The following AGBL1 variants were observed in gnomAD, a reference collection of about 807,000 sequenced individuals.
AGBL1 encodes cytosolic carboxypeptidase 4.
Under a neutral mutation model 118.9 loss-of-function variants are expected in AGBL1, and 130 were observed. That is an observed-to-expected ratio of 1.09 (90% CI 0.95 to 1.26). The LOEUF is 1.26. Ranked by LOEUF, AGBL1 falls within the 50% of genes most tolerant of loss-of-function variation. The probability of loss-of-function intolerance (pLI) is 0.00; values close to 1 mark genes in which losing one functional copy is unlikely to be tolerated. For synonymous variants in AGBL1, 555 were observed against 478.9 expected, an observed-to-expected ratio of 1.16 and a Z score of -2.08; for missense variants, 1,584 against 1,298.1, an observed-to-expected ratio of 1.22 and a Z score of -3.38.
intron 18 of AGBL1, among the ~76,000 whole-genome samples, chr15:86,433,669 G>A (rs2081967559): frequency 6.6e-6 from 1 of 152,002 alleles, no homozygotes; most frequent in Non-Finnish European, 1.5e-5. Flanking sequence ...CTCCAGGGAG[G>A]GTGCCCCTCA....
chr15:86,648,142 G>A (rs140977896), intron 21 of AGBL1, among the ~76,000 whole-genome samples: 1 of 152,176 alleles, frequency 6.6e-6, no homozygotes, highest in Admixed American at 6.5e-5. Context: ...GGCATAATCT[G>A]ACTTACATTT....
chr15:87,016,218 G>C (rs2081606799), intron 24 of AGBL1, among the ~76,000 whole-genome samples: 1 of 151,880 alleles, frequency 6.6e-6, no homozygotes, highest in Non-Finnish European at 1.5e-5. Context: ...CACTAGGACT[G>C]ATATAAGGCC....
rs1335996017 is a variant in AGBL1, at chr15:86,909,535, G to C, written c.*2241G>C. 6.6e-6 allele frequency: 1 copy of C among 152,132 alleles called. No homozygotes were observed. The highest frequency in any genetic ancestry group is 1.9e-4 in the East Asian group (1 of 5,190). The allele number at this position is 152,132 out of a possible 1,614,324, so 9.4% of individuals were successfully genotyped here. A position where few individuals can be genotyped will look rare whatever the true frequency, so the allele number is the denominator to read the frequency against. ...CTCTTTTCCAAGTTTCCATTTTGTA[G>C]TTCAGAAATTGTATATCCATTCTTC... On this transcript the variant is annotated 3_prime_UTR_variant, in exon 23 of 23. Coordinates refer to ENST00000614907, the MANE Select transcript of AGBL1 (RefSeq NM_001386094.1).
At chr15:86,199,114 AT>A (rs1026184683) in intron 5 of AGBL1, among the ~76,000 whole-genome samples, 8 of 152,022 alleles carry the variant, frequency 5.3e-5, no homozygotes, top group East Asian at 3.9e-4. Flanking sequence ...TTTACTTTTT[AT>A]TTTTTTAACA....
At chr15:86,439,839 G>C (rs973392833) in intron 18 of AGBL1, among the ~76,000 whole-genome samples, 1 of 152,196 alleles carries the variant, frequency 6.6e-6, no homozygotes, top group Admixed American at 6.5e-5. Flanking sequence ...ACAGCAGATA[G>C]GCTGTGTAAA....
At chr15:86,251,191 G>GT (rs2078809914) in intron 7 of AGBL1, among the ~76,000 whole-genome samples, 1 of 152,168 alleles carries the variant, frequency 6.6e-6, no homozygotes, top group Non-Finnish European at 1.5e-5. Context: ...GCACGTAACT[G>GT]TTAAGTAATT....
At chr15:86,660,876 A>C (rs995564421) in intron 21 of AGBL1, among the ~76,000 whole-genome samples, 21 of 152,172 alleles carry the variant, frequency 1.4e-4, no homozygotes, top group African/African-American at 5.1e-4. Context: ...CAAAGTATTC[A>C]GTCAAGCAAA....
rs922836763 is a variant in AGBL1 at position 86,910,963 on chromosome 15, T to G, written c.*3669T>G. ...TACTTGAGAGTTAACTCTCAATAGT[T>G]ATAAGAGCCATTCTTCCAGTCAAGC... On this transcript the variant is annotated 3_prime_UTR_variant, in exon 23 of 23. Transcript: ENST00000614907. The G allele has an allele frequency of 6.6e-6, 1 of 152,180 alleles. No individual in the cohort carries two copies. Among genetic ancestry groups the G allele is most frequent in the Non-Finnish European group, 1.5e-5 (1 of 68,050 alleles). 9.4% of individuals were successfully genotyped at this position (152,180 alleles called of 1,614,324 possible). A position where few individuals can be genotyped will look rare whatever the true frequency, so the allele number is the denominator to read the frequency against.
At chr15:86,491,490 T>C (rs1340504318) in intron 18 of AGBL1, among the ~76,000 whole-genome samples, 1 of 152,086 alleles carries the variant, frequency 6.6e-6, no homozygotes, top group Non-Finnish European at 1.5e-5. Flanking sequence ...GCAATTACAG[T>C]GCACTTTTGA....
At chr15:86,669,443 A>G (rs1283563472) in intron 21 of AGBL1, among the ~76,000 whole-genome samples, 2 of 152,200 alleles carry the variant, frequency 1.3e-5, no homozygotes, top group South Asian at 2.1e-4. Context: ...AATAGAAAAC[A>G]TAACATACGT....
rs557626908 is a variant in AGBL1 at position 86,716,982 on chromosome 15, G to A, written c.3158+42546G>A. 2.1e-4 allele frequency among the ~76,000 whole-genome samples: 32 copies of A among 152,306 alleles called. No homozygotes were observed. The South Asian group carries it at 2.3e-3, about 11-fold the overall frequency. On this transcript the variant is annotated intron_variant, in intron 22 of 22. Transcript: ENST00000614907. ...GTTTTGTTTTTACCTTTAAGGCAGA[G>A]ATGATAATATAAACTGACTCAAAAA...
chr15:86,730,095 C>T (rs1207317649), intron 22 of AGBL1, among the ~76,000 whole-genome samples: 4 of 152,072 alleles, frequency 2.6e-5, no homozygotes, highest in Non-Finnish European at 5.9e-5. Flanking sequence ...AAGATTGAAA[C>T]TGGACTCTTC....
intron 21 of AGBL1, among the ~76,000 whole-genome samples, chr15:86,624,634 C>A (rs1399884344): frequency 3.3e-5 from 5 of 152,198 alleles, no homozygotes; most frequent in Admixed American, 2.6e-4. Context: ...TGAGCCTGAG[C>A]TGCAGCCAAA....
intron 18 of AGBL1, among the ~76,000 whole-genome samples, chr15:86,497,531 G>A (rs1245227433): frequency 6.6e-6 from 1 of 151,844 alleles, no homozygotes; most frequent in Non-Finnish European, 1.5e-5. Context: ...ACTGAAATGT[G>A]TCCTCCTGTT....
chr15:86,598,160 G>C (rs1412628019), intron 21 of AGBL1, among the ~76,000 whole-genome samples: 3 of 152,020 alleles, frequency 2.0e-5, no homozygotes, highest in Non-Finnish European at 4.4e-5. Flanking sequence ...CACTGCTAGA[G>C]GATTGTCACC....
At chr15:86,643,728 A>C (rs1275428965) in intron 21 of AGBL1, among the ~76,000 whole-genome samples, 2 of 152,074 alleles carry the variant, frequency 1.3e-5, no homozygotes, top group Non-Finnish European at 2.9e-5. Context: ...CTTGAAGTTG[A>C]CTTTATATTT....
At chr15:86,947,295 A>G (rs1371445042) in intron 23 of AGBL1, among the ~76,000 whole-genome samples, 1 of 152,202 alleles carries the variant, frequency 6.6e-6, no homozygotes, top group Non-Finnish European at 1.5e-5. Flanking sequence ...TCACATGAGC[A>G]TAATTTCTAG....
At chr15:86,453,186 G>T (rs996687420) in intron 18 of AGBL1, among the ~76,000 whole-genome samples, 1 of 152,104 alleles carries the variant, frequency 6.6e-6, no homozygotes, top group African/African-American at 2.4e-5. Context: ...CTCAATTACT[G>T]TTTGTTAAGT....
chr15:86,489,419 G>A lies in AGBL1; in HGVS notation c.2556-33391G>A, dbSNP rs574953739. ...CCACATATATCATCTGACTTGATGT[G>A]ACTATTGGTAAGTTGTCATTTTTTT... On this transcript the variant is annotated intron_variant, in intron 18 of 22. Transcript: ENST00000614907. Among the ~76,000 whole-genome samples the A allele has an allele frequency of 7.2e-5, 11 of 152,260 alleles. No individual in the cohort carries two copies. In the South Asian group the frequency reaches 1.9e-3, roughly 26 times the overall value.
Sources: gnomAD v4.1 joint callset for allele counts (sites outside exome capture counted in the v4.1 genomes callset) on GRCh38, gnomAD v4.1.1 for gene constraint, MANE v1.5 for transcripts, NCBI Gene and HGNC (gene_info 2026-07-23, HGNC 2026-07-21) for gene names.